The following PCDHA7 variants were observed in gnomAD, a reference collection of about 807,000 sequenced individuals.
PCDHA7 encodes protocadherin alpha 7.
Under a neutral mutation model 57.2 loss-of-function variants are expected in PCDHA7, and 37 were observed. That is an observed-to-expected ratio of 0.65 (90% CI 0.50 to 0.85). PCDHA7 has a LOEUF of 0.85. Ranked by LOEUF, PCDHA7 falls within the 40% of genes least tolerant of loss-of-function variation. The pLI is 0.00. For missense variants in PCDHA7, 1,188 were observed against 1,241.8 expected, an observed-to-expected ratio of 0.96 and a Z score of 0.65; for synonymous variants, 553 against 558.8, an observed-to-expected ratio of 0.99 and a Z score of 0.15.
intron 1 of PCDHA7, chr5:140,850,108 G>C (rs2150467680): frequency 6.3e-7 from 1 of 1,596,108 alleles, no homozygotes; most frequent in East Asian, 2.2e-5. Context: ...GTGAGCGCGC[G>C]CGACGCGGGC....
At chr5:140,876,033 T>A in intron 1 of PCDHA7, 1 of 1,613,668 alleles carries the variant, frequency 6.2e-7, no homozygotes, top group South Asian at 1.1e-5. Context: ...CAAAAAAAGA[T>A]AAAAGTATAT....
chr5:140,997,686 G>T (rs1005092816), intron 3 of PCDHA7, among the ~76,000 whole-genome samples: 1 of 151,980 alleles, frequency 6.6e-6, no homozygotes, highest in Non-Finnish European at 1.5e-5. Flanking sequence ...GTGTGTGTGT[G>T]TGTGTGTGTG....
In PCDHA7 at chr5:140,850,079, G is replaced by A. The variant is rs2150466050; in HGVS notation, c.2355+13341G>A. On this transcript the variant is annotated intron_variant, in intron 1 of 3. Coordinates refer to ENST00000525929, the MANE Select transcript of PCDHA7 (RefSeq NM_018910.3). ...TGCAGCCGTTGGACCACGAGGAGCTGGAGCTGCTACAGTTCCAGGTGAGCG... is the reference window on the plus strand; with the variant it reads ...TGCAGCCGTTGGACCACGAGGAGCTAGAGCTGCTACAGTTCCAGGTGAGCG... The A allele has an allele frequency of 1.6e-3, 2,619 of 1,596,602 alleles. 178 individuals are homozygous for A. In the African/African-American group the frequency reaches 0.028, roughly 17 times the overall value.
At chr5:140,886,560 G>A (rs1230327560) in intron 1 of PCDHA7, among the ~76,000 whole-genome samples, 3 of 151,904 alleles carry the variant, frequency 2.0e-5, no homozygotes, top group Non-Finnish European at 4.4e-5. Flanking sequence ...GGGCACGGTG[G>A]CTCACGCCTG....
chr5:140,967,515 C>G, intron 1 of PCDHA7: 1 of 1,612,792 alleles, frequency 6.2e-7, no homozygotes, highest in Non-Finnish European at 8.5e-7. Flanking sequence ...GTCCTGGACA[C>G]TAACGACAAC....
intron 1 of PCDHA7, among the ~76,000 whole-genome samples, chr5:140,964,721 CA>C (rs1340678918): frequency 1.3e-5 from 2 of 151,598 alleles, no homozygotes; most frequent in African/African-American, 4.9e-5. Flanking sequence ...CAAATTACCA[CA>C]GCAAACTGAG....
rs782257919 is a variant in PCDHA7, at chr5:140,853,730, T to C, written c.2355+16992T>C. 84 of 988,668 alleles carry C rather than the reference T, an allele frequency of 8.5e-5. 8 individuals carry two copies. Among genetic ancestry groups the C allele is most frequent in the African/African-American group, 5.6e-4 (32 of 56,686 alleles). The allele number at this position is 988,668 out of a possible 1,614,324, so 61.2% of individuals were successfully genotyped here. A position where few individuals can be genotyped will look rare whatever the true frequency, so the allele number is the denominator to read the frequency against. ...AGCATTAGCAGCACCTAAGTCCTCA[T>C]TGAATGTTCTGGTTCAAGGCTCCAC... On this transcript the variant is annotated intron_variant, in intron 1 of 3. Coordinates refer to ENST00000525929, the MANE Select transcript of PCDHA7 (RefSeq NM_018910.3).
intron 1 of PCDHA7, among the ~76,000 whole-genome samples, chr5:140,949,692 T>A (rs1563239592): frequency 6.6e-6 from 1 of 151,854 alleles, no homozygotes; most frequent in Non-Finnish European, 1.5e-5. Flanking sequence ...AGCGTATTGT[T>A]GGATCTTGCT....
intron 1 of PCDHA7, among the ~76,000 whole-genome samples, chr5:140,911,178 G>A (rs1227283843): frequency 1.3e-5 from 2 of 152,196 alleles, no homozygotes; most frequent in Non-Finnish European, 2.9e-5. Flanking sequence ...TGATGGCAGT[G>A]TGGGTTGGGG....
rs2150217049 is a variant in PCDHA7, at chr5:140,834,409, C to T, written c.26C>T (p.Pro9Leu). 3 of 1,610,410 alleles carry T rather than the reference C, an allele frequency of 1.9e-6. No homozygotes were observed. Among genetic ancestry groups the T allele is most frequent in the African/African-American group, 2.7e-5 (2 of 74,990 alleles). ...ATGGTGTGCCCGAATGGATACGACC[C>T]AGGGGGCCGACATCTACTGCTGTTT... MVCPNGYD[P>L]GGRHLLLFII... Residue 9 changes from proline (P) to leucine (L), a missense_variant, in exon 1 of 4, where the codon CCA (proline) becomes CTA (leucine). Pro to Leu is a moderately conservative substitution (Grantham distance 98, BLOSUM62 -3). This residue lies in a region of PCDHA7 where 194 missense variants were observed against 185.8 expected (regional missense o/e 1.04). Coordinates refer to ENST00000525929, the MANE Select transcript of PCDHA7 (RefSeq NM_018910.3).
chr5:140,961,856 C>T (rs781908407), intron 1 of PCDHA7, among the ~76,000 whole-genome samples: 1 of 151,570 alleles, frequency 6.6e-6, no homozygotes, highest in Non-Finnish European at 1.5e-5. Flanking sequence ...GATCATTTAT[C>T]TGGCCACAGA....
At chr5:140,887,461 T>C (rs2061460929) in intron 1 of PCDHA7, among the ~76,000 whole-genome samples, 1 of 152,226 alleles carries the variant, frequency 6.6e-6, no homozygotes, top group African/African-American at 2.4e-5. Flanking sequence ...TTTTAAAAGA[T>C]ATAATTCAGT....
rs2150218984 is a variant in PCDHA7 at position 140,834,464 on chromosome 5, G to A, written c.81G>A (p.Gly27=). 4 of 1,614,188 alleles carry A rather than the reference G, an allele frequency of 2.5e-6. No individual in the cohort carries two copies. Among genetic ancestry groups the A allele is most frequent in the East Asian group, 4.5e-5 (2 of 44,882 alleles). ...TAATTCTAGCAGCTTGGGAGGCAGG[G>A]AGAGGCCAGCTCCACTACTCGGTCC... ...FIIILAAWEA[G]RGQLHYSVPE... Residue 27 remains glycine (G), a synonymous_variant, in exon 1 of 4, where the codon GGG becomes GGA. Coordinates refer to ENST00000525929, the MANE Select transcript of PCDHA7 (RefSeq NM_018910.3).
At chr5:140,956,142 T>C (rs1416783643) in intron 1 of PCDHA7, among the ~76,000 whole-genome samples, 1 of 152,194 alleles carries the variant, frequency 6.6e-6, no homozygotes, top group East Asian at 1.9e-4. Flanking sequence ...CCTTTATTTC[T>C]TTCTCTTTCC....
chr5:140,881,097 A>G (rs1179635604), intron 1 of PCDHA7, among the ~76,000 whole-genome samples: 1 of 152,262 alleles, frequency 6.6e-6, no homozygotes, highest in Non-Finnish European at 1.5e-5. Flanking sequence ...TTTTCATTAC[A>G]CCATTTGGCC....
chr5:140,850,928 T>A (rs2150502915), intron 1 of PCDHA7: 1 of 1,520,688 alleles, frequency 6.6e-7, no homozygotes, highest in Non-Finnish European at 8.8e-7. Context: ...ATATAATTTT[T>A]TTTCTTGAAA....
At chr5:140,967,331 C>T (rs2096128497) in intron 1 of PCDHA7, 1 of 1,608,078 alleles carries the variant, frequency 6.2e-7, no homozygotes, top group African/African-American at 1.3e-5. Context: ...CGAGCTCAGC[C>T]CCAGCGAGCA....
chr5:140,856,156 G>A, intron 1 of PCDHA7: 1 of 1,598,364 alleles, frequency 6.3e-7, no homozygotes, highest in Non-Finnish European at 8.6e-7. Context: ...CAGTCTACGA[G>A]GAGGCCAGAC....
rs2150462015 is a variant in PCDHA7 at position 140,849,990 on chromosome 5, T to G, written c.2355+13252T>G. On this transcript the variant is annotated intron_variant, in intron 1 of 3. Coordinates refer to ENST00000525929, the MANE Select transcript of PCDHA7 (RefSeq NM_018910.3). ...GTCCTACTCGCTGGTGGAGCGGCGGTTGGGCGAGCGCTCGCTGTCGAGCTA... is the reference window on the plus strand; with the variant it reads ...GTCCTACTCGCTGGTGGAGCGGCGGGTGGGCGAGCGCTCGCTGTCGAGCTA... 9.1e-5 allele frequency: 145 copies of G among 1,596,718 alleles called. 14 individuals carry two copies. The highest frequency in any genetic ancestry group is 5.1e-4 in the Admixed American group (30 of 59,270).
Sources: allele counts gnomAD v4.1 joint callset (sites outside exome capture counted in the v4.1 genomes callset), GRCh38; gene constraint gnomAD v4.1.1; regional missense constraint gnomAD v4.1.1; transcripts MANE v1.5; gene names NCBI Gene and HGNC (gene_info 2026-07-23, HGNC 2026-07-21).